Variants in EXPH5 observed in about 807,000 individuals in gnomAD.
EXPH5 encodes exophilin 5, also known as exophilin-5.
Under a neutral mutation model 41.1 loss-of-function variants are expected in EXPH5, and 42 were observed. The ratio of observed to expected loss-of-function variants is 1.02; its 90% CI spans 0.80 to 1.32. The LOEUF (loss-of-function observed/expected upper bound fraction) is 1.32. Ranked by LOEUF, EXPH5 falls within the 40% of genes most tolerant of loss-of-function variation. The probability of loss-of-function intolerance (pLI) is 0.00; values close to 1 mark genes in which losing one functional copy is unlikely to be tolerated. For missense variants in EXPH5, 2,298 were observed against 2,314.5 expected, an observed-to-expected ratio of 0.99 and a Z score of 0.15; for synonymous variants, 798 against 833.5, an observed-to-expected ratio of 0.96 and a Z score of 0.73.
intron 1 of EXPH5, chr11:108,551,904 G>A (rs565075859): frequency 2.0e-5 from 3 of 152,214 alleles, no homozygotes; most frequent in Admixed American, 1.3e-4. Context: ...GAGAGGATGG[G>A]GCAGGAACTG....
At chr11:108,527,624 G>C (rs112898087) in intron 4 of EXPH5, among the ~76,000 whole-genome samples, 93 of 152,282 alleles carry the variant, frequency 6.1e-4, no homozygotes, top group African/African-American at 2.1e-3. Flanking sequence ...GAACACTTAA[G>C]CTTCTTTATC....
chr11:108,532,943 C>T (rs540742554), intron 3 of EXPH5, among the ~76,000 whole-genome samples: 219 of 152,318 alleles, frequency 1.4e-3, no homozygotes, highest in African/African-American at 5.1e-3. Flanking sequence ...TTCTCTACTT[C>T]CTTCTTGTTG....
intron 1 of EXPH5, among the ~76,000 whole-genome samples, chr11:108,551,834 A>T (rs557465248): frequency 6.6e-6 from 1 of 152,316 alleles, no homozygotes; most frequent in East Asian, 1.9e-4. Flanking sequence ...CCCACGCAGG[A>T]ATCCAAACAT....
At chr11:108,518,866 A>G (rs1000126640) in intron 4 of EXPH5, among the ~76,000 whole-genome samples, 12 of 152,210 alleles carry the variant, frequency 7.9e-5, no homozygotes, top group Non-Finnish European at 4.4e-5. Context: ...GATGGCAACA[A>G]GACTGACCTC....
At chr11:108,543,288 T>A (rs181427205) in intron 1 of EXPH5, among the ~76,000 whole-genome samples, 19 of 152,324 alleles carry the variant, frequency 1.2e-4, no homozygotes, top group Non-Finnish European at 1.5e-5. Flanking sequence ...CACTGGTTGT[T>A]GTGATTTATT....
At chr11:108,591,693 T>C (rs2094127852) in intron 1 of EXPH5, among the ~76,000 whole-genome samples, 1 of 152,258 alleles carries the variant, frequency 6.6e-6, no homozygotes, top group Non-Finnish European at 1.5e-5. Flanking sequence ...TTCCTTCTAA[T>C]GCCCAGCCCA....
chr11:108,541,578 C>T, intron 2 of EXPH5, 74 bp downstream of exon 2: 1 of 921,348 alleles, frequency 1.1e-6, no homozygotes, highest in South Asian at 1.8e-5. Flanking sequence ...ATTGGAGATC[C>T]ACTGGGCCAT....
At chr11:108,588,764 T>C (rs1565837962) in intron 1 of EXPH5, among the ~76,000 whole-genome samples, 1 of 152,170 alleles carries the variant, frequency 6.6e-6, no homozygotes, top group Non-Finnish European at 1.5e-5. Flanking sequence ...CTTTATAAGC[T>C]AAAAGAGTTA....
chr11:108,605,521 G>C, the EXPH5 span, among the ~76,000 whole-genome samples: 2 of 152,144 alleles, frequency 1.3e-5, no homozygotes, highest in Admixed American at 6.5e-5. Context: ...CAGGGTAGAG[G>C]GCAGAGATGC....
At chr11:108,549,259 G>T (rs2093952814) in intron 1 of EXPH5, among the ~76,000 whole-genome samples, 1 of 152,132 alleles carries the variant, frequency 6.6e-6, no homozygotes, top group South Asian at 2.1e-4. Context: ...TTCTTGCTAG[G>T]CCAGAGGCCC....
the EXPH5 span, among the ~76,000 whole-genome samples, chr11:108,605,262 C>T: frequency 1.3e-5 from 2 of 152,160 alleles, no homozygotes; most frequent in Non-Finnish European, 2.9e-5. Context: ...GACCCTTCTG[C>T]TGGGGCTCTT....
chr11:108,516,860 A>G (rs2093730001), intron 5 of EXPH5, among the ~76,000 whole-genome samples: 1 of 152,244 alleles, frequency 6.6e-6, no homozygotes, highest in African/African-American at 2.4e-5. Flanking sequence ...TATAGCCACA[A>G]TAAAATAATC....
chr11:108,509,718 G>A lies in EXPH5; in HGVS notation c.5789C>T (p.Pro1930Leu). 1 of 1,609,964 alleles carries A rather than the reference G, an allele frequency of 6.2e-7. No individual in the cohort carries two copies. The highest frequency in any genetic ancestry group is 8.5e-7 in the Non-Finnish European group (1 of 1,178,778). The change falls in exon 6 of 6, where the codon CCC (proline) becomes CTC (leucine). Residue 1930 changes from proline (P) to leucine (L), a missense_variant. Coordinates refer to ENST00000265843, the MANE Select transcript of EXPH5 (RefSeq NM_015065.3). ...TGAGCTTAATGACTCTGAGGGGTTG[G>A]GAGGGTTCCTCAAATCATCTTTTAG... is the stretch of plus-strand genomic sequence containing the variant. ...GFLKDDLRNP[P>L]NPSESLSSNS...
Position 108,593,423 on chromosome 11 carries a change from C to T in EXPH5, c.114G>A (p.Arg38=). 6.2e-7 allele frequency: 1 copy of T among 1,613,440 alleles called. No individual in the cohort carries two copies. Among genetic ancestry groups the T allele is most frequent in the East Asian group, 2.2e-5 (1 of 44,882 alleles). The change falls in exon 1 of 6, where the codon AGG becomes AGA. Residue 38 remains arginine (R), a synonymous_variant. Transcript: ENST00000265843. ...NEELQRAEKD[R]ISKLQKTKRD... is the part of the protein sequence containing the mutation. Reference sequence around the variant, plus strand: ...GAAATGAATTTGCTCTGTACCTGATCCTGTCCTTCTCGGCCCTCTGTAACT... The same window carrying T: ...GAAATGAATTTGCTCTGTACCTGATTCTGTCCTTCTCGGCCCTCTGTAACT...
intron 2 of EXPH5, among the ~76,000 whole-genome samples, chr11:108,539,772 T>C (rs1321348516): frequency 6.6e-6 from 1 of 151,848 alleles, no homozygotes; most frequent in African/African-American, 2.4e-5. Context: ...TCCAAAAAAA[T>C]TTGAGCACCA....
intron 3 of EXPH5, among the ~76,000 whole-genome samples, chr11:108,533,900 T>A (rs1395919286): frequency 6.6e-6 from 1 of 152,156 alleles, no homozygotes. Flanking sequence ...GCTTAAGCAA[T>A]CCTCCTGCCT....
intron 1 of EXPH5, among the ~76,000 whole-genome samples, chr11:108,570,937 C>A (rs962261957): frequency 2.6e-5 from 4 of 152,152 alleles, no homozygotes; most frequent in South Asian, 4.1e-4. Context: ...TAGACACGTG[C>A]AAGTTGTTTT....
intron 1 of EXPH5, among the ~76,000 whole-genome samples, chr11:108,582,338 G>A (rs554302444): frequency 9.9e-5 from 15 of 152,000 alleles, no homozygotes; most frequent in African/African-American, 3.1e-4. Context: ...GGTGGCACAC[G>A]CCTGTAGTCC....
chr11:108,526,221 C>T (rs561358405), intron 4 of EXPH5, among the ~76,000 whole-genome samples: 3 of 152,260 alleles, frequency 2.0e-5, no homozygotes, highest in African/African-American at 7.2e-5. Flanking sequence ...CTCTTCCCAG[C>T]CTCTCTCTTA....
Sources: allele counts gnomAD v4.1 joint callset (sites outside exome capture counted in the v4.1 genomes callset), GRCh38; gene constraint gnomAD v4.1.1; transcripts MANE v1.5; gene names NCBI Gene and HGNC (gene_info 2026-07-23, HGNC 2026-07-21).